Variants in CD244 observed in about 807,000 individuals in gnomAD.
CD244 encodes CD244 molecule.
In CD244, 20 loss-of-function variants were observed where a neutral mutation model predicts 45.5. The observed-to-expected ratio is 0.44, with a 90% CI of 0.31 to 0.64. The LOEUF (loss-of-function observed/expected upper bound fraction) is 0.64, where lower values mean the gene tolerates loss of function less well. Ranked by LOEUF, CD244 falls within the 30% of genes least tolerant of loss-of-function variation. CD244 has a pLI of 0.08. For synonymous variants in CD244, 185 were observed against 160.5 expected (o/e 1.15, Z -1.15); for missense variants, 407 against 426.9 (o/e 0.95, Z 0.41).
At chr1:160,860,685 C>T (rs988800139) in intron 1 of CD244, among the ~76,000 whole-genome samples, 1 of 152,148 alleles carries the variant, frequency 6.6e-6, no homozygotes, top group African/African-American at 2.4e-5. Flanking sequence ...CATATACATA[C>T]AGCTAGAGAA....
intron 1 of CD244, among the ~76,000 whole-genome samples, chr1:160,853,850 A>G (rs1465322544): frequency 6.6e-6 from 1 of 151,504 alleles, no homozygotes; most frequent in East Asian, 1.9e-4. Flanking sequence ...ACTGAAATGC[A>G]ATATGGAATG....
chr1:160,846,268 A>T (rs1295622091), intron 1 of CD244, among the ~76,000 whole-genome samples: 2 of 152,148 alleles, frequency 1.3e-5, no homozygotes. Context: ...GCATCCTCGT[A>T]GCTTAACTCC....
At chr1:160,858,877 A>G (rs1429013612) in intron 1 of CD244, among the ~76,000 whole-genome samples, 1 of 152,190 alleles carries the variant, frequency 6.6e-6, no homozygotes, top group Non-Finnish European at 1.5e-5. Flanking sequence ...ATAAGTATCT[A>G]CTGAGGGTTG....
At chr1:160,857,259 A>G (rs548432118) in intron 1 of CD244, among the ~76,000 whole-genome samples, 6 of 152,386 alleles carry the variant, frequency 3.9e-5, no homozygotes, top group Admixed American at 3.9e-4. Flanking sequence ...ACAGTTTGAC[A>G]GCATCTGCTA....
chr1:160,838,339 C>A, intron 5 of CD244, 112 bp downstream of exon 5: 1 of 819,704 alleles, frequency 1.2e-6, no homozygotes, highest in East Asian at 2.4e-5. Context: ...CTGAGGGTCA[C>A]ATCAAAAGGA....
At chr1:160,839,355 C>A (rs756754359) in intron 3 of CD244, among the ~76,000 whole-genome samples, 1 of 152,162 alleles carries the variant, frequency 6.6e-6, no homozygotes, top group Non-Finnish European at 1.5e-5. Context: ...GCCTCAGAGC[C>A]TCTTAGATTT....
chr1:160,841,380 T>C lies in CD244; in HGVS notation c.485A>G (p.Tyr162Cys). ...CLVSRDGNVS[Y>C]AWYRGSKLIQ... ...CAGCTTGCTCCCTCTGTACCAAGCA[T>C]AGGACACATTGCCATCCCTGGAGAC... The change falls in exon 3 of 9, where the codon TAT (tyrosine) becomes TGT (cysteine). Residue 162 changes from tyrosine (Y) to cysteine (C), a missense_variant. Transcript: ENST00000368034. 5 of 1,614,218 alleles carry C rather than the reference T, an allele frequency of 3.1e-6. No individual in the cohort carries two copies. Among genetic ancestry groups the C allele is most frequent in the South Asian group, 1.1e-5 (1 of 91,082 alleles).
At chr1:160,845,723 G>T (rs899186353) in intron 1 of CD244, among the ~76,000 whole-genome samples, 12 of 151,996 alleles carry the variant, frequency 7.9e-5, no homozygotes, top group Non-Finnish European at 1.5e-4. Context: ...AAGTATGGTG[G>T]TGCACACCTG....
intron 1 of CD244, among the ~76,000 whole-genome samples, chr1:160,852,298 C>A (rs1419052134): frequency 6.6e-6 from 1 of 152,230 alleles, no homozygotes; most frequent in African/African-American, 2.4e-5. Flanking sequence ...GCCTGTAATC[C>A]CAGCACTTTG....
Position 160,839,250 on chromosome 1 carries a change from T to C in CD244, c.656-201A>G, listed in dbSNP as rs114511281. ...CTGAGTGATGCCAAGAGCATAGATA[T>C]ATCAGACAGGCCTGGCTCAAATTCT... On this transcript the variant is annotated intron_variant, in intron 3 of 8. Transcript: ENST00000368034. 1,726 of 509,670 alleles carry C rather than the reference T, an allele frequency of 3.4e-3. 24 individuals are homozygous for C. Among genetic ancestry groups the C allele is most frequent in the African/African-American group, 0.03 (1,552 of 51,522 alleles). 31.6% of individuals were successfully genotyped at this position (509,670 alleles called of 1,614,324 possible).
At chr1:160,860,024 T>C (rs1158974160) in intron 1 of CD244, among the ~76,000 whole-genome samples, 1 of 151,766 alleles carries the variant, frequency 6.6e-6, no homozygotes, top group Non-Finnish European at 1.5e-5. Flanking sequence ...CTGGCCAACA[T>C]GGTGAAACCC....
Position 160,839,126 on chromosome 1 carries a change from C to A in CD244, c.656-77G>T, listed in dbSNP as rs192020073. 3.8e-4 allele frequency: 411 copies of A among 1,086,994 alleles called. 5 individuals are homozygous for A. The East Asian group carries it at 8.8e-3, about 23-fold the overall frequency. The allele number at this position is 1,086,994 out of a possible 1,614,324, so 67.3% of individuals were successfully genotyped here. A position where few individuals can be genotyped will look rare whatever the true frequency, so the allele number is the denominator to read the frequency against. ...CCTTCCCACCTGCCTGCTGCAGGGG[C>A]TGCCTCAAAACCCACTTTTCTCTGT... is the stretch of plus-strand genomic sequence containing the variant. On this transcript the variant is annotated intron_variant, in intron 3 of 8. Coordinates refer to ENST00000368034, the MANE Select transcript of CD244 (RefSeq NM_016382.4).
intron 3 of CD244, 53 bp downstream of exon 3, chr1:160,841,157 G>T: frequency 1.3e-6 from 2 of 1,563,264 alleles, no homozygotes; most frequent in Non-Finnish European, 8.8e-7. Context: ...CATGAGCCTG[G>T]TTGCGGGGTC....
chr1:160,850,519 A>C (rs1372020921), intron 1 of CD244, among the ~76,000 whole-genome samples: 1 of 152,242 alleles, frequency 6.6e-6, no homozygotes, highest in Non-Finnish European at 1.5e-5. Context: ...AGCCAAGGCA[A>C]TCTTGATGAA....
intron 1 of CD244, among the ~76,000 whole-genome samples, chr1:160,851,700 G>A (rs1409386761): frequency 6.6e-6 from 1 of 151,984 alleles, no homozygotes; most frequent in East Asian, 1.9e-4. Context: ...CAGATTATGA[G>A]ACTGGCTAAT....
chr1:160,844,114 G>C (rs1162654528), intron 1 of CD244, among the ~76,000 whole-genome samples: 4 of 152,148 alleles, frequency 2.6e-5, no homozygotes, highest in Admixed American at 2.6e-4. Flanking sequence ...CCCTAACCTG[G>C]CTGCCAACTA....
chr1:160,844,747 G>A (rs754723154), intron 1 of CD244, among the ~76,000 whole-genome samples: 3 of 152,164 alleles, frequency 2.0e-5, no homozygotes, highest in African/African-American at 4.8e-5. Flanking sequence ...GGCCAAGGCC[G>A]GCAGATCACT....
At chr1:160,856,897 G>GA (rs57103169) in intron 1 of CD244, among the ~76,000 whole-genome samples, 2 of 151,722 alleles carry the variant, frequency 1.3e-5, no homozygotes, top group African/African-American at 2.4e-5. Flanking sequence ...AATAGAATAG[G>GA]AAAAAAAATT....
intron 7 of CD244, 159 bp from the exon 8 acceptor site, chr1:160,832,734 A>AT: frequency 6.9e-7 from 1 of 1,440,470 alleles, no homozygotes; most frequent in East Asian, 2.6e-5. Context: ...GAGCAAAACA[A>AT]TGGTGTTTAT....
Sources: gnomAD v4.1 joint callset for allele counts (sites outside exome capture counted in the v4.1 genomes callset) on GRCh38, gnomAD v4.1.1 for gene constraint, MANE v1.5 for transcripts, NCBI Gene and HGNC (gene_info 2026-07-23, HGNC 2026-07-21) for gene names.